GIPR: variants seen among roughly 807,000 people sequenced by gnomAD.
The protein encoded by GIPR is gastric inhibitory polypeptide receptor.
A neutral mutation model predicts 62.2 loss-of-function variants in GIPR; 74 were observed. The ratio of observed to expected loss-of-function variants is 1.19; its 90% CI spans 0.99 to 1.44. The LOEUF is 1.44. Ranked by LOEUF, GIPR falls within the 40% of genes most tolerant of loss-of-function variation. The probability of loss-of-function intolerance (pLI) is 0.00; values close to 1 mark genes in which losing one functional copy is unlikely to be tolerated. For synonymous variants in GIPR, 256 were observed against 262.2 expected (o/e 0.98, Z 0.23); for missense variants, 664 against 611.8 (o/e 1.09, Z -0.90).
Position 45,681,802 on chromosome 19 carries a change from TC to T in GIPR, c.1271del (p.Pro424ArgfsTer75). 6.3e-7 allele frequency: 1 copy of T among 1,576,588 alleles called. No individual in the cohort carries two copies. The highest frequency in any genetic ancestry group is 8.6e-7 in the Non-Finnish European group (1 of 1,160,920). On this transcript the variant is annotated frameshift_variant, in exon 14 of 14. Transcript: ENST00000590918. LOFTEE classifies it low-confidence loss of function (END_TRUNC). The part of the protein sequence containing the change: ...RRSLGEEQRQ[L>X]PERAFRALPS... ...AGCCTGGGCGAGGAGCAACGCCAGC[TC>T]CCGGAGCGCGCCTTCCGGGCCCTGC...
chr19:45,673,001 A>G (rs375324988), intron 5 of GIPR, 47 bp downstream of exon 5: 2 of 1,115,884 alleles, frequency 1.8e-6, no homozygotes, highest in Non-Finnish European at 1.4e-6. Context: ...GGAGAGATGG[A>G]AAGGCAGTAG....
At chr19:45,677,563 G>A in intron 9 of GIPR, 147 bp from the exon 10 acceptor site, 1 of 842,612 alleles carries the variant, frequency 1.2e-6, no homozygotes, top group Non-Finnish European at 2.1e-6. Context: ...GGCAAGGGGA[G>A]GGGGTGGGGC....
rs1025240919 is a variant in GIPR, at chr19:45,669,500, A to G, written c.-21A>G. 5.1e-6 allele frequency: 8 copies of G among 1,565,258 alleles called. No homozygotes were observed. Among genetic ancestry groups the G allele is most frequent in the African/African-American group, 1.4e-5 (1 of 74,046 alleles). On this transcript the variant is annotated 5_prime_UTR_variant, in exon 2 of 14. Transcript: ENST00000590918. Reference sequence around the variant, plus strand: ...AGGCCTGATCGCCCCTGCACGAACCAGACCCTTCGCCGCCCTCACGATGAC... The same window carrying G: ...AGGCCTGATCGCCCCTGCACGAACCGGACCCTTCGCCGCCCTCACGATGAC...
At chr19:45,673,141 C>T (rs777585265) in intron 5 of GIPR, among the ~76,000 whole-genome samples, 187 bp downstream of exon 5, 31 of 151,990 alleles carry the variant, frequency 2.0e-4, no homozygotes, top group Non-Finnish European at 3.4e-4. Flanking sequence ...ATAAGATGGC[C>T]GGGTGGTGTG....
At chr19:45,674,025 TG>T in intron 5 of GIPR, 48 bp from the exon 6 acceptor site, 1 of 1,067,592 alleles carries the variant, frequency 9.4e-7, no homozygotes, top group Non-Finnish European at 1.5e-6. Flanking sequence ...TCTCTGGGCC[TG>T]GGGCTTCGAG....
At chr19:45,679,265 A>C (rs1967107736) in intron 12 of GIPR, among the ~76,000 whole-genome samples, 1 of 152,086 alleles carries the variant, frequency 6.6e-6, no homozygotes, top group Non-Finnish European at 1.5e-5. Flanking sequence ...GGATCACCTG[A>C]GGTCAAGAGT....
In GIPR at chr19:45,672,922, T is replaced by C. The variant is rs755119848; in HGVS notation, c.352T>C (p.Cys118Arg). 14 of 1,611,650 alleles carry C rather than the reference T, an allele frequency of 8.7e-6. No homozygotes were observed. The South Asian group carries it at 9.9e-5, about 11-fold the overall frequency. Residue 118 changes from cysteine (C) to arginine (R), a missense_variant, in exon 5 of 14, where the codon TGT (cysteine) becomes CGT (arginine). Cys to Arg is a radical substitution (Grantham distance 180, BLOSUM62 -3). Coordinates refer to ENST00000590918, the MANE Select transcript of GIPR (RefSeq NM_000164.4). Reference sequence around the variant, plus strand: ...GGGACTTTGGAGAGACCATACACAATGTGAGAACCCAGAGAAGAATGAGGC... The same window carrying C: ...GGGACTTTGGAGAGACCATACACAACGTGAGAACCCAGAGAAGAATGAGGC... Reference protein sequence around the residue: ...QWGLWRDHTQCENPEKNEAFL... With the variant: ...QWGLWRDHTQRENPEKNEAFL...
chr19:45,677,710 G>T lies in GIPR; in HGVS notation c.855G>T (p.Gln285His). The T allele has an allele frequency of 1.9e-6, 3 of 1,611,846 alleles. No individual in the cohort carries two copies. Among genetic ancestry groups the T allele is most frequent in the Non-Finnish European group, 2.5e-6 (3 of 1,178,018 alleles). ...CTTAGCTCTACTCCGCCTTCCCCAG[G>T]TGCTGGGAGCGCAACGAAGTCAAGG... is the stretch of plus-strand genomic sequence containing the variant. ...VIVRYLYENT[Q>H]CWERNEVKAI... Residue 285 changes from glutamine (Q) to histidine (H), a missense_variant and splice_region_variant, in exon 10 of 14, where the codon CAG becomes CAT. Gln to His is a conservative substitution (Grantham distance 24, BLOSUM62 0). Coordinates refer to ENST00000590918, the MANE Select transcript of GIPR (RefSeq NM_000164.4).
At chr19:45,671,820 C>G (rs1360652874) in intron 4 of GIPR, among the ~76,000 whole-genome samples, 1 of 151,254 alleles carries the variant, frequency 6.6e-6, no homozygotes, top group Admixed American at 6.6e-5. Context: ...CAGGGTTTCA[C>G]CATGTTGGCC....
chr19:45,681,440 T>C (rs920391225), intron 12 of GIPR, among the ~76,000 whole-genome samples, 164 bp from the exon 13 acceptor site: 1 of 151,822 alleles, frequency 6.6e-6, no homozygotes, highest in African/African-American at 2.4e-5. Flanking sequence ...GGTTGCCGTT[T>C]GCCGAGATCG....
chr19:45,674,115 T>C lies in GIPR; in HGVS notation c.426T>C (p.Thr142=), dbSNP rs1458448616. 8.1e-6 allele frequency: 13 copies of C among 1,613,696 alleles called. No homozygotes were observed. The highest frequency in any genetic ancestry group is 1.3e-5 in the African/African-American group (1 of 74,896). ...LILERLQVMY[T]VGYSLSLATL... The stretch of plus-strand genomic sequence containing the variant: ...TGGAGCGGTTGCAGGTCATGTACAC[T>C]GTCGGCTACTCCCTGTCTCTCGCCA... The change falls in exon 6 of 14, where the codon ACT becomes ACC. Residue 142 remains threonine (T), a synonymous_variant. Coordinates refer to ENST00000590918, the MANE Select transcript of GIPR (RefSeq NM_000164.4).
intron 3 of GIPR, 21 bp from the exon 4 acceptor site, chr19:45,671,264 G>T (rs1379466777): frequency 6.8e-7 from 1 of 1,473,672 alleles, no homozygotes; most frequent in Admixed American, 1.7e-5. Flanking sequence ...CTGGGCACCT[G>T]GCCCCCGTGC....
At chr19:45,668,595 G>T (rs1975379752) in intron 1 of GIPR, among the ~76,000 whole-genome samples, 1 of 152,080 alleles carries the variant, frequency 6.6e-6, no homozygotes, top group Non-Finnish European at 1.5e-5. Flanking sequence ...CTCTGGCTGG[G>T]GGTCTCATTC....
intron 12 of GIPR, 30 bp from the exon 13 acceptor site, chr19:45,681,574 C>T (rs1350878694): frequency 1.9e-6 from 3 of 1,605,284 alleles, no homozygotes; most frequent in Non-Finnish European, 1.7e-6. Flanking sequence ...CCCCCACCAG[C>T]GATGTAACCT....
At chr19:45,674,927 T>G (rs942215470) in intron 7 of GIPR, 101 bp downstream of exon 7, 9 of 1,217,070 alleles carry the variant, frequency 7.4e-6, no homozygotes, top group Non-Finnish European at 1.1e-5. Flanking sequence ...CTCCACAGTT[T>G]ATCTGAGTTG....
In GIPR at chr19:45,682,464, C is replaced by T. The variant is rs1967300705; in HGVS notation, c.*529C>T. ...TATTTTTTAAAAAATGAGGATGTCA[C>T]TCTTACCCAGGTTGGTCTTGAACTC... On this transcript the variant is annotated 3_prime_UTR_variant, in exon 14 of 14. Coordinates refer to ENST00000590918, the MANE Select transcript of GIPR (RefSeq NM_000164.4). The T allele has an allele frequency of 6.5e-6, 1 of 153,412 alleles. No individual in the cohort carries two copies. Among genetic ancestry groups the T allele is most frequent in the Admixed American group, 6.5e-5 (1 of 15,312 alleles). The allele number at this position is 153,412 out of a possible 1,614,324, so 9.5% of individuals were successfully genotyped here. A position where few individuals can be genotyped will look rare whatever the true frequency, so the allele number is the denominator to read the frequency against.
chr19:45,668,338 C>G (rs1273993149), intron 1 of GIPR, 40 bp downstream of exon 1: 1 of 152,912 alleles, frequency 6.5e-6, no homozygotes, highest in Non-Finnish European at 1.5e-5. Flanking sequence ...CCCTGCCCCC[C>G]CTTGACCTCT....
intron 3 of GIPR, 88 bp from the exon 4 acceptor site, chr19:45,671,197 C>CGCA (rs1221314941): frequency 7.3e-6 from 6 of 821,288 alleles, no homozygotes; most frequent in Admixed American, 1.7e-5. Flanking sequence ...TGGCCCACTG[C>CGCA]GGAGAAGCAC....
chr19:45,677,157 C>CT (rs1374221528), intron 8 of GIPR, 49 bp downstream of exon 8: 1 of 1,587,808 alleles, frequency 6.3e-7, no homozygotes, highest in Non-Finnish European at 8.6e-7. Flanking sequence ...CTCTCCTCGG[C>CT]TCCCCCAACT....
Sources: gnomAD v4.1 joint callset for allele counts (sites outside exome capture counted in the v4.1 genomes callset) on GRCh38, gnomAD v4.1.1 for gene constraint, MANE v1.5 for transcripts, NCBI Gene and HGNC (gene_info 2026-07-23, HGNC 2026-07-21) for gene names.